The following SYNPO variants were observed in gnomAD, a reference collection of about 807,000 sequenced individuals.
SYNPO encodes synaptopodin.
SYNPO carries 19 observed loss-of-function variants against 49.5 expected under a neutral mutation model. The ratio of observed to expected loss-of-function variants is 0.38; its 90% CI spans 0.27 to 0.56. SYNPO has a LOEUF of 0.56. SYNPO is among the 20% of genes least tolerant of loss of function. The probability of loss-of-function intolerance (pLI) is 0.68; values close to 1 mark genes in which losing one functional copy is unlikely to be tolerated. For missense variants in SYNPO, 1,131 were observed against 1,248.3 expected (o/e 0.91, Z 1.42); for synonymous variants, 536 against 548.0 (o/e 0.98, Z 0.31).
Position 150,649,189 on chromosome 5 carries a change from C to G in SYNPO, c.914C>G (p.Pro305Arg). Residue 305 changes from proline (P) to arginine (R), a missense_variant, in exon 2 of 3, where the codon CCG (proline) becomes CGG (arginine). Transcript: ENST00000307662. ...AGGAGGATGATGGGGCAGCGAAGCC[C>G]GGCCTCAGAGAGACGCCCCTTGGGG... ...VERRMMGQRS[P>R]ASERRPLGNF... 1 of 1,614,172 alleles carries G rather than the reference C, an allele frequency of 6.2e-7. No individual in the cohort carries two copies. The highest frequency in any genetic ancestry group is 8.5e-7 in the Non-Finnish European group (1 of 1,180,034).
chr5:150,655,924 TA>T (rs1758535242), intron 2 of SYNPO, among the ~76,000 whole-genome samples: 2 of 152,258 alleles, frequency 1.3e-5, no homozygotes, highest in Non-Finnish European at 2.9e-5. Context: ...GTGCTGGGAC[TA>T]CAGGCGCGGG....
At chr5:150,599,172 G>A (rs754669466), upstream of SYNPO, among the ~76,000 whole-genome samples, 3 of 152,212 alleles carry the variant, frequency 2.0e-5, no homozygotes, top group Non-Finnish European at 2.9e-5. Flanking sequence ...ACCATGTACC[G>A]GGCGAAGCCC....
intron 1 of SYNPO, among the ~76,000 whole-genome samples, chr5:150,606,392 A>G (rs1231968182): frequency 6.6e-6 from 1 of 152,234 alleles, no homozygotes; most frequent in African/African-American, 2.4e-5. Context: ...ATATTGTTTC[A>G]TCCTCACAAC....
chr5:150,593,232 A>G, the SYNPO span, among the ~76,000 whole-genome samples: 85,773 of 152,064 alleles, frequency 0.56, 27,099 homozygotes, highest in African/African-American at 0.86. Flanking sequence ...CAGGCAGGGA[A>G]TAAGAATGAG....
In SYNPO at chr5:150,656,887, C is replaced by T. The variant is rs755801186; in HGVS notation, c.2512C>T (p.Pro838Ser). Residue 838 changes from proline (P) to serine (S), a missense_variant, in exon 3 of 3, where the codon CCC (proline) becomes TCC (serine). Physicochemically the swap from Pro to Ser is moderately conservative, Grantham distance 74 (BLOSUM62 -1). Coordinates refer to ENST00000307662, the MANE Select transcript of SYNPO (RefSeq NM_007286.6). ...LPAGPSSCTS[P>S]RSPLPAPPRP... Reference sequence around the variant, plus strand: ...CGCCGGTCCTTCGTCCTGCACCAGTCCCCGGAGCCCGCTGCCCGCGCCTCC... The same window carrying T: ...CGCCGGTCCTTCGTCCTGCACCAGTTCCCGGAGCCCGCTGCCCGCGCCTCC... 5.7e-6 allele frequency: 9 copies of T among 1,575,804 alleles called. No homozygotes were observed. In the East Asian group the frequency reaches 9.5e-5, roughly 17 times the overall value.
At chr5:150,607,083 C>T (rs1756715814) in intron 1 of SYNPO, among the ~76,000 whole-genome samples, 1 of 152,096 alleles carries the variant, frequency 6.6e-6, no homozygotes, top group African/African-American at 2.4e-5. Flanking sequence ...GTCTGGGCTC[C>T]AGTCCTTACT....
chr5:150,640,252 G>A (rs1351310775), upstream of SYNPO: 2 of 826,322 alleles, frequency 2.4e-6, no homozygotes, highest in Non-Finnish European at 2.9e-6. Flanking sequence ...TGGCATTCTA[G>A]GTAGGCCGGA....
At chr5:150,595,082 C>T in the SYNPO span, among the ~76,000 whole-genome samples, 6 of 152,262 alleles carry the variant, frequency 3.9e-5, no homozygotes, top group South Asian at 2.1e-4. Context: ...TGGAAGACCC[C>T]GTGCTGTTGC....
chr5:150,619,639 AG>A (rs1757090114), intron 2 of SYNPO, among the ~76,000 whole-genome samples: 2 of 152,190 alleles, frequency 1.3e-5, no homozygotes. Context: ...GGCCATGCTC[AG>A]CTCAAGCAGG....
chr5:150,656,837 C>T lies in SYNPO; in HGVS notation c.2462C>T (p.Ala821Val), dbSNP rs1232352706. ...GSAAVPGAAF[A>V]PIPRSPLPAG... ...GCTGCTGTGCCGGGGGCAGCCTTCGCGCCCATCCCGCGGAGCCCGTTGCCC... is the reference window on the plus strand; with the variant it reads ...GCTGCTGTGCCGGGGGCAGCCTTCGTGCCCATCCCGCGGAGCCCGTTGCCC... Residue 821 changes from alanine (A) to valine (V), a missense_variant, in exon 3 of 3, where the codon GCG becomes GTG. Ala to Val is a moderately conservative substitution (Grantham distance 64). Around this residue, in one of 4 missense-constraint regions of SYNPO, gnomAD observed 509 missense variants for 484.5 expected, o/e 1.05. Transcript: ENST00000307662. The T allele has an allele frequency of 5.8e-6, 9 of 1,545,182 alleles. No individual in the cohort carries two copies. The highest frequency in any genetic ancestry group is 4.1e-5 in the African/African-American group (3 of 72,528).
chr5:150,615,324 C>A (rs1756954908), intron 1 of SYNPO: 1 of 152,268 alleles, frequency 6.6e-6, no homozygotes, highest in Non-Finnish European at 1.5e-5. Flanking sequence ...TTTTCCGCCT[C>A]TCTCTTCTTT....
chr5:150,626,300 T>C (rs79666758), intron 2 of SYNPO, among the ~76,000 whole-genome samples: 3,199 of 152,312 alleles, frequency 0.021, 97 homozygotes, highest in African/African-American at 0.072. Context: ...AAAAACCCTG[T>C]TTGCTGGGTG....
At chr5:150,628,282 T>C (rs1250607280) in intron 2 of SYNPO, among the ~76,000 whole-genome samples, 1 of 152,140 alleles carries the variant, frequency 6.6e-6, no homozygotes, top group Admixed American at 6.5e-5. Context: ...CAGGGTCGTA[T>C]AGTACTGTGC....
chr5:150,589,872 G>A, the SYNPO span, among the ~76,000 whole-genome samples: 1 of 152,174 alleles, frequency 6.6e-6, no homozygotes, highest in African/African-American at 2.4e-5. Flanking sequence ...CTGGAGCCTG[G>A]GAGAAAGGGA....
chr5:150,624,745 G>C (rs1757294102), intron 2 of SYNPO: 2 of 691,912 alleles, frequency 2.9e-6, no homozygotes, highest in Non-Finnish European at 3.6e-6. Flanking sequence ...CCCGCTAGGC[G>C]GTGGCGGTGG....
Position 150,649,610 on chromosome 5 carries a change from G to A in SYNPO, c.1335G>A (p.Ala445=), listed in dbSNP as rs199737717. 8.5e-5 allele frequency: 137 copies of A among 1,608,850 alleles called. 1 individual carries two copies. In the Admixed American group the frequency reaches 1.2e-3, roughly 14 times the overall value. ...GTGACAGGGCCAGCCCCGCGGCGGCGGAGGAGGTGGTACCAGAGTGGGCCT... is the reference window on the plus strand; with the variant it reads ...GTGACAGGGCCAGCCCCGCGGCGGCAGAGGAGGTGGTACCAGAGTGGGCCT... ...APRDRASPAA[A]EEVVPEWASC... is the part of the protein sequence containing the mutation. Residue 445 remains alanine (A), a synonymous_variant, in exon 2 of 3, where the codon GCG becomes GCA. Transcript: ENST00000307662.
At chr5:150,634,424 C>A (rs1757640780) in intron 2 of SYNPO, among the ~76,000 whole-genome samples, 1 of 152,190 alleles carries the variant, frequency 6.6e-6, no homozygotes, top group Non-Finnish European at 1.5e-5. Flanking sequence ...GTGGAGATGA[C>A]TTTGGTGACA....
intron 1 of SYNPO, among the ~76,000 whole-genome samples, chr5:150,605,148 G>A (rs189090283): frequency 2.6e-4 from 40 of 152,292 alleles, no homozygotes; most frequent in African/African-American, 8.7e-4. Flanking sequence ...TCCTCAAATT[G>A]CTCCCCTCTG....
chr5:150,608,273 C>T (rs753500394), intron 1 of SYNPO, among the ~76,000 whole-genome samples: 38 of 152,224 alleles, frequency 2.5e-4, no homozygotes, highest in Non-Finnish European at 4.9e-4. Flanking sequence ...GGCAGAGCCA[C>T]CTTCATGAAC....
Sources: gnomAD v4.1 joint callset for allele counts (sites outside exome capture counted in the v4.1 genomes callset) on GRCh38, gnomAD v4.1.1 for gene constraint, gnomAD v4.1.1 regional missense constraint, MANE v1.5 for transcripts, NCBI Gene and HGNC (gene_info 2026-07-23, HGNC 2026-07-21) for gene names.